The following SHISA9 variants were observed in gnomAD, a reference collection of about 807,000 sequenced individuals.
SHISA9 encodes the protein protein shisa-9.
Under a neutral mutation model 38.0 loss-of-function variants are expected in SHISA9, and 13 were observed. That is an observed-to-expected ratio of 0.34 (90% CI 0.22 to 0.54). SHISA9 has a LOEUF of 0.54. Ranked by LOEUF, SHISA9 falls within the 20% of genes least tolerant of loss-of-function variation. The pLI is 0.91. For missense variants in SHISA9, 538 were observed against 575.8 expected, an observed-to-expected ratio of 0.93 and a Z score of 0.67; for synonymous variants, 275 against 242.0, an observed-to-expected ratio of 1.14 and a Z score of -1.27.
At chr16:13,007,935 G>A (rs1374718541) in intron 2 of SHISA9, among the ~76,000 whole-genome samples, 1 of 152,110 alleles carries the variant, frequency 6.6e-6, no homozygotes, top group Non-Finnish European at 1.5e-5. Context: ...GTAGGTGACT[G>A]TAGCAGACAC....
At chr16:13,544,478 C>T in the SHISA9 span, among the ~76,000 whole-genome samples, 9 of 132,084 alleles carry the variant, frequency 6.8e-5, no homozygotes, top group East Asian at 4.4e-4. Flanking sequence ...CCACTTTGCA[C>T]GGACATGACT....
chr16:13,100,041 G>A (rs1248074602), intron 2 of SHISA9, among the ~76,000 whole-genome samples: 4 of 152,200 alleles, frequency 2.6e-5, no homozygotes, highest in African/African-American at 9.7e-5. Context: ...GTAGCAAAGT[G>A]AGGGACACAC....
intron 4 of SHISA9, among the ~76,000 whole-genome samples, chr16:13,227,557 G>T (rs2051291723): frequency 6.6e-6 from 1 of 152,184 alleles, no homozygotes; most frequent in Non-Finnish European, 1.5e-5. Context: ...TTGGGCCAGA[G>T]ATGCTATTGA....
At chr16:13,182,900 C>G (rs2050790140) in intron 2 of SHISA9, among the ~76,000 whole-genome samples, 1 of 152,218 alleles carries the variant, frequency 6.6e-6, no homozygotes, top group Admixed American at 6.5e-5. Flanking sequence ...GTCTGTCACA[C>G]AGTTGCAGTC....
At chr16:13,011,116 C>A (rs1200524020) in intron 2 of SHISA9, among the ~76,000 whole-genome samples, 1 of 152,142 alleles carries the variant, frequency 6.6e-6, no homozygotes, top group East Asian at 1.9e-4. Flanking sequence ...ATGGAGTTTA[C>A]GTTCTTGCTC....
At chr16:13,383,333 CAAGATAAT>C in the SHISA9 span, among the ~76,000 whole-genome samples, 2 of 152,044 alleles carry the variant, frequency 1.3e-5, no homozygotes, top group Admixed American at 1.3e-4. Context: ...GTGTAAAATA[CAAGATAAT>C]AATATGCAGA....
chr16:13,193,378 G>T (rs1316891813), intron 2 of SHISA9, among the ~76,000 whole-genome samples: 1 of 152,094 alleles, frequency 6.6e-6, no homozygotes, highest in Non-Finnish European at 1.5e-5. Context: ...TTTAGATGGA[G>T]TCTTGCTCTG....
the SHISA9 span, among the ~76,000 whole-genome samples, chr16:13,273,093 C>T: frequency 1.3e-5 from 2 of 152,188 alleles, no homozygotes; most frequent in Middle Eastern, 3.2e-3. Flanking sequence ...CCCCATTCCA[C>T]TGGCTTCACC....
the SHISA9 span, among the ~76,000 whole-genome samples, chr16:13,312,949 C>T: frequency 3.3e-5 from 5 of 152,004 alleles, no homozygotes; most frequent in African/African-American, 1.2e-4. Context: ...GAGGCCCTTA[C>T]AAAATGTTAA....
At chr16:13,466,911 C>G in the SHISA9 span, among the ~76,000 whole-genome samples, 358 of 152,278 alleles carry the variant, frequency 2.4e-3, 2 homozygotes, top group Non-Finnish European at 2.2e-3. Flanking sequence ...AAATGTCACT[C>G]AAGAACTTTA....
the SHISA9 span, among the ~76,000 whole-genome samples, chr16:13,515,056 A>G: frequency 6.6e-6 from 1 of 152,166 alleles, no homozygotes; most frequent in Non-Finnish European, 1.5e-5. Flanking sequence ...TAAAGTACTA[A>G]AGAAAAAAGT....
At chr16:13,413,964 G>A in the SHISA9 span, among the ~76,000 whole-genome samples, 11 of 152,210 alleles carry the variant, frequency 7.2e-5, no homozygotes, top group Admixed American at 5.9e-4. Flanking sequence ...CGTAGCAATG[G>A]CTGGAACCAA....
the SHISA9 span, among the ~76,000 whole-genome samples, chr16:13,277,135 C>G: frequency 1.3e-5 from 2 of 152,090 alleles, no homozygotes; most frequent in Non-Finnish European, 2.9e-5. Context: ...CTACATGTGG[C>G]TAGCCAATTA....
rs114790380 is a variant in SHISA9, at chr16:13,190,666, C to G, written c.692-12728C>G. Among the ~76,000 whole-genome samples the G allele has an allele frequency of 7.3e-3, 1,117 of 152,262 alleles. 13 individuals are homozygous for G. Among genetic ancestry groups the G allele is most frequent in the African/African-American group, 0.025 (1,056 of 41,544 alleles). ...GTATCCCGCCATGCTGCGGATCTGC[C>G]TCCTACCCTAGACTGTTATCTATTT... is the stretch of plus-strand genomic sequence containing the variant. On this transcript the variant is annotated intron_variant, in intron 2 of 4. Transcript: ENST00000558583.
At chr16:13,318,628 C>A in the SHISA9 span, among the ~76,000 whole-genome samples, 1 of 152,112 alleles carries the variant, frequency 6.6e-6, no homozygotes, top group Non-Finnish European at 1.5e-5. Context: ...GCCCTCCAGA[C>A]GTTTCTAAAT....
At chr16:12,985,180 T>G (rs1432487285) in intron 2 of SHISA9, among the ~76,000 whole-genome samples, 1 of 148,842 alleles carries the variant, frequency 6.7e-6, no homozygotes, top group Non-Finnish European at 1.5e-5. Flanking sequence ...ATCAAAGCAT[T>G]ATGTTGTACA....
At chr16:13,116,553 G>A (rs1333613509) in intron 2 of SHISA9, among the ~76,000 whole-genome samples, 2 of 152,204 alleles carry the variant, frequency 1.3e-5, no homozygotes, top group Non-Finnish European at 2.9e-5. Flanking sequence ...TTTGGAGCTA[G>A]TTGCTATGTT....
chr16:13,296,282 T>C, the SHISA9 span, among the ~76,000 whole-genome samples: 1 of 152,060 alleles, frequency 6.6e-6, no homozygotes, highest in Non-Finnish European at 1.5e-5. Flanking sequence ...ATGCTGGGAT[T>C]TCTGAAGGTG....
chr16:13,181,202 T>G (rs1300403432), intron 2 of SHISA9, among the ~76,000 whole-genome samples: 2 of 147,730 alleles, frequency 1.4e-5, no homozygotes, highest in East Asian at 4.0e-4. Context: ...TTATAATTAC[T>G]ATGGTGGGTA....
Sources: gnomAD v4.1 joint callset for allele counts (sites outside exome capture counted in the v4.1 genomes callset) on GRCh38, gnomAD v4.1.1 for gene constraint, MANE v1.5 for transcripts, NCBI Gene and HGNC (gene_info 2026-07-23, HGNC 2026-07-21) for gene names.